RREB1: variants seen among roughly 807,000 people sequenced by gnomAD.
The protein encoded by RREB1 is ras responsive element binding protein 1.
In RREB1, 27 loss-of-function variants were observed where a neutral mutation model predicts 117.8. That is an observed-to-expected ratio of 0.23 (90% CI 0.17 to 0.32). RREB1 has a LOEUF of 0.32. RREB1 is among the 10% of genes least tolerant of loss of function. RREB1 has a pLI of 1.00. For synonymous variants in RREB1, 1,298 were observed against 1,026.7 expected, an observed-to-expected ratio of 1.26 and a Z score of -5.05; for missense variants, 2,577 against 2,378.2, an observed-to-expected ratio of 1.08 and a Z score of -1.74.
chr6:7,246,272 T>C (rs372775576), intron 11 of RREB1, 152 bp from the exon 12 acceptor site: 31 of 599,334 alleles, frequency 5.2e-5, no homozygotes, highest in Admixed American at 4.7e-4. Flanking sequence ...CTGGGGGATG[T>C]AACAGGTGGT....
At chr6:7,179,759 C>T (rs1052713940) in intron 2 of RREB1, among the ~76,000 whole-genome samples, 3 of 151,686 alleles carry the variant, frequency 2.0e-5, no homozygotes, top group South Asian at 2.1e-4. Context: ...CAAAATAAAC[C>T]TTCAAAGACA....
chr6:7,244,203 C>T (rs776911774), intron 11 of RREB1, among the ~76,000 whole-genome samples: 3 of 150,642 alleles, frequency 2.0e-5, no homozygotes, highest in African/African-American at 4.9e-5. Context: ...GCAGAGGTTA[C>T]GGTGAGCTGA....
At chr6:7,186,222 G>A (rs1765074582) in intron 4 of RREB1, among the ~76,000 whole-genome samples, 1 of 152,188 alleles carries the variant, frequency 6.6e-6, no homozygotes. Context: ...GCTTGGGCTT[G>A]CCGAGGTGCA....
rs1046844216 is a variant in RREB1, at chr6:7,247,128, A to G, written c.4678A>G (p.Ser1560Gly). 6.2e-7 allele frequency: 1 copy of G among 1,613,962 alleles called. No homozygotes were observed. Among genetic ancestry groups the G allele is most frequent in the Non-Finnish European group, 8.5e-7 (1 of 1,180,016 alleles). The change falls in exon 12 of 13, where the codon AGC becomes GGC. Residue 1560 changes from serine (S) to glycine (G), a missense_variant. Ser to Gly is a moderately conservative substitution (Grantham distance 56). Coordinates refer to ENST00000379938, the MANE Select transcript of RREB1 (RefSeq NM_001003699.4). ...PKTDSPKSVASKADKRKKVCS... is the reference protein window; with the variant it reads ...PKTDSPKSVAGKADKRKKVCS... ...GACAGACTCCCCCAAAAGCGTGGCC[A>G]GCAAGGCAGACAAGAGGAAGAAGGT... is the stretch of plus-strand genomic sequence containing the variant.
At chr6:7,108,316 TTCCTCCTCCTCC>T (rs143321297) in intron 1 of RREB1, among the ~76,000 whole-genome samples, 4 of 148,060 alleles carry the variant, frequency 2.7e-5, no homozygotes, top group African/African-American at 4.9e-5. Context: ...CGCCGGGCCA[TTCCTCCTCCTCC>T]TCCTCCTCCT....
At position 7,230,928 on chromosome 6, in the gene RREB1, C is replaced by A; in HGVS notation, c.2829C>A (p.Phe943Leu). Residue 943 changes from phenylalanine to leucine, a missense_variant, in exon 10 of 13, where the codon TTC (phenylalanine) becomes TTA (leucine). Coordinates refer to ENST00000379938, the MANE Select transcript of RREB1 (RefSeq NM_001003699.4). ...TCGACCTGTCCATCCCCAAGAACTT[C>A]AGGAAAGGGGACAAGGATTTGGCCA... is the stretch of plus-strand genomic sequence containing the variant. Reference protein sequence around the residue: ...EPIDLSIPKNFRKGDKDLATP... With the variant: ...EPIDLSIPKNLRKGDKDLATP... The A allele has an allele frequency of 6.2e-7, 1 of 1,614,072 alleles. No homozygotes were observed. The highest frequency in any genetic ancestry group is 8.5e-7 in the Non-Finnish European group (1 of 1,179,938).
rs1413921377 is a variant in RREB1 at position 7,248,661 on chromosome 6, A to G, written c.4922A>G (p.Glu1641Gly). The change falls in exon 13 of 13, where the codon GAG becomes GGG. Residue 1641 changes from glutamate (E) to glycine (G), a missense_variant. Transcript: ENST00000379938. The part of the protein sequence containing the change: ...DKEERGEEDS[E>G]NESTHSGNNA... ...GAAGAGCGGGGTGAGGAGGACAGCG[A>G]GAATGAGTCCACCCACAGCGGCAAC... 6.2e-7 allele frequency: 1 copy of G among 1,614,164 alleles called. No individual in the cohort carries two copies.
At chr6:7,178,740 GTC>G (rs1764636157) in intron 2 of RREB1, among the ~76,000 whole-genome samples, 3 of 152,180 alleles carry the variant, frequency 2.0e-5, no homozygotes, top group Admixed American at 6.5e-5. Flanking sequence ...TTAGAGATGA[GTC>G]TCTATTTTTT....
intron 10 of RREB1, among the ~76,000 whole-genome samples, chr6:7,240,130 C>CT (rs200617770): frequency 0.015 from 2,284 of 152,068 alleles, 26 homozygotes; most frequent in Non-Finnish European, 0.026. Flanking sequence ...TCTTCATTCG[C>CT]TTTTTTTTGT....
At chr6:7,214,251 C>T (rs987161170) in intron 8 of RREB1, 18 of 152,266 alleles carry the variant, frequency 1.2e-4, no homozygotes, top group African/African-American at 4.3e-4. Flanking sequence ...GCTAGCCGAC[C>T]TAGAGGATTT....
At chr6:7,177,555 G>C (rs998762239) in intron 2 of RREB1, among the ~76,000 whole-genome samples, 3 of 152,034 alleles carry the variant, frequency 2.0e-5, no homozygotes, top group African/African-American at 7.2e-5. Context: ...ATTTTTAAGA[G>C]ACAGGGTCTC....
At chr6:7,234,495 C>G (rs761556929) in intron 10 of RREB1, among the ~76,000 whole-genome samples, 1 of 152,274 alleles carries the variant, frequency 6.6e-6, no homozygotes, top group African/African-American at 2.4e-5. Flanking sequence ...TCATGATTGC[C>G]TGGCTTTTGA....
chr6:7,137,563 T>C (rs147026636), intron 1 of RREB1, among the ~76,000 whole-genome samples: 1 of 152,336 alleles, frequency 6.6e-6, no homozygotes, highest in East Asian at 1.9e-4. Context: ...GATGCTAAGA[T>C]AGTTGTTGAT....
Position 7,210,877 on chromosome 6 carries a change from C to A in RREB1, c.499C>A (p.Arg167=). ...TAPPSPLKRR[R]LSSKRKLSHD... is the part of the protein sequence containing the mutation. ...CCCTCCATCTCCTCTGAAACGTAGG[C>A]GATTGTCCTCCAAGAGGAAACTGAG... Residue 167 remains arginine (R), a synonymous_variant, in exon 7 of 13, where the codon CGA becomes AGA. Coordinates refer to ENST00000379938, the MANE Select transcript of RREB1 (RefSeq NM_001003699.4). 1 of 1,614,008 alleles carries A rather than the reference C, an allele frequency of 6.2e-7. No individual in the cohort carries two copies. The highest frequency in any genetic ancestry group is 8.5e-7 in the Non-Finnish European group (1 of 1,179,864).
intron 1 of RREB1, among the ~76,000 whole-genome samples, chr6:7,147,861 A>G (rs1424072880): frequency 6.6e-6 from 1 of 152,180 alleles, no homozygotes; most frequent in East Asian, 1.9e-4. Flanking sequence ...CAGGAAAAAA[A>G]AAAAAAAGTT....
At chr6:7,171,676 G>A (rs1046740024) in intron 1 of RREB1, among the ~76,000 whole-genome samples, 2 of 152,164 alleles carry the variant, frequency 1.3e-5, no homozygotes, top group Non-Finnish European at 2.9e-5. Context: ...CTCAAAAATG[G>A]TTAGCCATGA....
At position 7,226,706 on chromosome 6, in the gene RREB1, A is replaced by C. The variant is rs758699886; in HGVS notation, c.897+50A>C. 8.6e-6 allele frequency: 12 copies of C among 1,396,404 alleles called. No homozygotes were observed. The African/African-American group carries it at 1.6e-4, about 18-fold the overall frequency. 86.5% of individuals were successfully genotyped at this position (1,396,404 alleles called of 1,614,324 possible). ...AACCAGCAACTGCCTTCCATGGTCC[A>C]CACAGTTAGACCATGGGAACTTCCT... On this transcript the variant is annotated intron_variant, in intron 9 of 12. Transcript: ENST00000379938.
intron 1 of RREB1, among the ~76,000 whole-genome samples, chr6:7,114,696 A>C (rs1761310876): frequency 1.3e-5 from 2 of 152,214 alleles, no homozygotes; most frequent in African/African-American, 4.8e-5. Flanking sequence ...GAAATTCCAT[A>C]AAGCAAGTAA....
chr6:7,229,095 T>C lies in RREB1; in HGVS notation c.996T>C (p.Ala332=), dbSNP rs146024995. The C allele has an allele frequency of 6.0e-4, 965 of 1,602,044 alleles. 1 individual carries two copies. The highest frequency in any genetic ancestry group is 7.9e-4 in the Non-Finnish European group (927 of 1,170,458). Reference sequence around the variant, plus strand: ...CGTTCCCCATGCTCTGCTCACTGGCTCTGCACAAGCAGACCCATGTGGCGG... The same window carrying C: ...CGTTCCCCATGCTCTGCTCACTGGCCCTGCACAAGCAGACCCATGTGGCGG... ...DKAFPMLCSL[A]LHKQTHVAAD... is the part of the protein sequence containing the mutation. The change falls in exon 10 of 13, where the codon GCT becomes GCC. Residue 332 remains alanine (A), a synonymous_variant. Coordinates refer to ENST00000379938, the MANE Select transcript of RREB1 (RefSeq NM_001003699.4). The surrounding 1 kb of genome is among the most constrained non-coding windows in gnomAD (Gnocchi z 4.5).
Sources: gnomAD v4.1 joint callset for allele counts (sites outside exome capture counted in the v4.1 genomes callset) on GRCh38, gnomAD v4.1.1 for gene constraint, Gnocchi (gnomAD v3.1) non-coding constraint, MANE v1.5 for transcripts, NCBI Gene and HGNC (gene_info 2026-07-23, HGNC 2026-07-21) for gene names.